The following SGCD variants were observed in gnomAD, a reference collection of about 807,000 sequenced individuals.
SGCD encodes delta-sarcoglycan.
SGCD carries 18 observed loss-of-function variants against 36.6 expected under a neutral mutation model. The observed-to-expected ratio is 0.49, with a 90% CI of 0.34 to 0.73. SGCD has a LOEUF of 0.73. SGCD is among the 30% of genes least tolerant of loss of function. The pLI is 0.01. For synonymous variants in SGCD, 133 were observed against 130.6 expected (o/e 1.02, Z -0.12); for missense variants, 387 against 346.7 (o/e 1.12, Z -0.92).
chr5:155,759,020 T>A, the SGCD span, among the ~76,000 whole-genome samples: 60 of 152,218 alleles, frequency 3.9e-4, no homozygotes, highest in South Asian at 7.7e-3. Context: ...TTTTATTTTT[T>A]TTTTAGAGTC....
intron 1 of SGCD, among the ~76,000 whole-genome samples, chr5:155,919,771 T>C (rs1756831428): frequency 6.6e-6 from 1 of 152,200 alleles, no homozygotes; most frequent in Non-Finnish European, 1.5e-5. Flanking sequence ...GATTCATTTC[T>C]TCATTTGAAA....
intron 3 of SGCD, among the ~76,000 whole-genome samples, chr5:156,300,119 T>G (rs918322384): frequency 6.6e-6 from 1 of 152,146 alleles, no homozygotes; most frequent in Non-Finnish European, 1.5e-5. Context: ...ATCCCCAGGT[T>G]TTTTAGAATT....
chr5:156,056,753 C>T (rs1443232484), intron 1 of SGCD, among the ~76,000 whole-genome samples: 1 of 144,420 alleles, frequency 6.9e-6, no homozygotes, highest in Non-Finnish European at 1.5e-5. Flanking sequence ...AACGTTTTCT[C>T]TATTGCAATT....
In SGCD at chr5:155,934,959, C is replaced by T. The variant is rs951196267; in HGVS notation, c.-282+64535C>T. 2.6e-5 allele frequency among the ~76,000 whole-genome samples: 4 copies of T among 152,286 alleles called. No homozygotes were observed. In the South Asian group the frequency reaches 6.2e-4, roughly 24 times the overall value. On this transcript the variant is annotated intron_variant, in intron 1 of 9. Transcript: ENST00000517913. ...TGGATTCCCAGAGCTATCGTCAGCACCCAGTGTTCACAGATAGACAACTGT... is the reference window on the plus strand; with the variant it reads ...TGGATTCCCAGAGCTATCGTCAGCATCCAGTGTTCACAGATAGACAACTGT...
chr5:156,494,357 CT>C (rs1756084601), intron 3 of SGCD, among the ~76,000 whole-genome samples: 1 of 140,594 alleles, frequency 7.1e-6, no homozygotes, highest in Admixed American at 7.3e-5. Context: ...TTTTTGAGGA[CT>C]CTAACACTCA....
intron 2 of SGCD, among the ~76,000 whole-genome samples, chr5:156,123,270 T>C (rs1187540430): frequency 6.6e-6 from 1 of 152,110 alleles, no homozygotes; most frequent in Non-Finnish European, 1.5e-5. Context: ...AAGATGTACC[T>C]GGTGAGAAAG....
intron 3 of SGCD, among the ~76,000 whole-genome samples, chr5:156,292,558 C>T (rs1432778070): frequency 2.0e-5 from 3 of 152,060 alleles, no homozygotes; most frequent in Non-Finnish European, 2.9e-5. Flanking sequence ...TGCTATAAAA[C>T]CTTGGTGTAT....
intron 1 of SGCD, among the ~76,000 whole-genome samples, chr5:156,100,321 A>G (rs1233166868): frequency 2.0e-5 from 3 of 152,116 alleles, no homozygotes; most frequent in Non-Finnish European, 2.9e-5. Flanking sequence ...ATCTAAAGGC[A>G]TATGGTGTTT....
chr5:155,914,065 G>T (rs568126925), intron 1 of SGCD, among the ~76,000 whole-genome samples: 3 of 152,120 alleles, frequency 2.0e-5, no homozygotes, highest in Non-Finnish European at 2.9e-5. Flanking sequence ...TGAGAAAACC[G>T]AGGTCCAAGG....
chr5:156,036,957 C>T (rs558415303), intron 1 of SGCD, among the ~76,000 whole-genome samples: 1 of 152,246 alleles, frequency 6.6e-6, no homozygotes, highest in Non-Finnish European at 1.5e-5. Context: ...ACATGCAGAA[C>T]CTCTCCTCAT....
At chr5:156,239,467 G>A (rs1254852483) in intron 3 of SGCD, among the ~76,000 whole-genome samples, 1 of 150,910 alleles carries the variant, frequency 6.6e-6, no homozygotes. Context: ...GCAAAGTAGT[G>A]GAGGAAAAAT....
intron 4 of SGCD, among the ~76,000 whole-genome samples, chr5:156,518,584 A>G (rs1757280859): frequency 6.6e-6 from 1 of 152,064 alleles, no homozygotes. Context: ...CCTAAAATTG[A>G]TAAAATTCCA....
the SGCD span, among the ~76,000 whole-genome samples, chr5:155,844,727 A>G: frequency 6.6e-6 from 1 of 152,166 alleles, no homozygotes; most frequent in Non-Finnish European, 1.5e-5. Context: ...ATGGAGATGA[A>G]AGACAGTGAG....
chr5:155,894,673 G>T (rs912643052), intron 1 of SGCD, among the ~76,000 whole-genome samples: 2 of 152,074 alleles, frequency 1.3e-5, no homozygotes, highest in African/African-American at 4.8e-5. Context: ...GAACTCTATT[G>T]TGAACTGCAT....
intron 6 of SGCD, among the ~76,000 whole-genome samples, chr5:156,600,665 A>G (rs926674596): frequency 6.6e-6 from 1 of 152,100 alleles, no homozygotes; most frequent in African/African-American, 2.4e-5. Context: ...TGATGTATTG[A>G]TTTCATTTAC....
intron 6 of SGCD, among the ~76,000 whole-genome samples, chr5:156,596,915 T>C (rs1340556310): frequency 2.0e-5 from 3 of 152,166 alleles, no homozygotes; most frequent in Non-Finnish European, 4.4e-5. Context: ...CTTAACACTC[T>C]TACTGTCCCC....
At chr5:156,330,429 C>T (rs1033218200) in intron 2 of SGCD, among the ~76,000 whole-genome samples, 5 of 152,106 alleles carry the variant, frequency 3.3e-5, no homozygotes, top group Non-Finnish European at 7.4e-5. Flanking sequence ...CTCAGGTTTC[C>T]TATCTGTAAG....
At chr5:155,730,403 G>A in the SGCD span, among the ~76,000 whole-genome samples, 1 of 148,666 alleles carries the variant, frequency 6.7e-6, no homozygotes, top group Non-Finnish European at 1.5e-5. Context: ...TGTCTATAAA[G>A]GAGGTATTTA....
intron 7 of SGCD, among the ~76,000 whole-genome samples, chr5:156,655,799 C>A (rs950273891): frequency 6.6e-6 from 1 of 151,914 alleles, no homozygotes; most frequent in African/African-American, 2.4e-5. Context: ...CTTAAATGTT[C>A]ACTTATTCAC....
Sources: allele counts gnomAD v4.1 joint callset (sites outside exome capture counted in the v4.1 genomes callset), GRCh38; gene constraint gnomAD v4.1.1; transcripts MANE v1.5; gene names NCBI Gene and HGNC (gene_info 2026-07-23, HGNC 2026-07-21).